Variants in CDKAL1 observed in about 807,000 individuals in gnomAD.
CDKAL1 encodes the protein CDKAL1 threonylcarbamoyladenosine tRNA methylthiotransferase, also known as threonylcarbamoyladenosine tRNA methylthiotransferase.
In CDKAL1, 32 loss-of-function variants were observed where a neutral mutation model predicts 68.2. The ratio of observed to expected loss-of-function variants is 0.47; its 90% CI spans 0.35 to 0.63. The LOEUF (loss-of-function observed/expected upper bound fraction) is 0.63. CDKAL1 is among the 30% of genes least tolerant of loss of function. CDKAL1 has a pLI of 0.00. For synonymous variants in CDKAL1, 234 were observed against 244.3 expected (o/e 0.96, Z 0.39); for missense variants, 606 against 696.7 (o/e 0.87, Z 1.47).
In CDKAL1 at chr6:20,676,683, AAATAAATAAATAAAT is replaced by A. The variant is rs1470132785; in HGVS notation, c.371+27309_371+27323del. 4.8e-3 allele frequency among the ~76,000 whole-genome samples: 692 copies of A among 142,976 alleles called. 5 individuals carry two copies. Among genetic ancestry groups the A allele is most frequent in the African/African-American group, 0.018 (629 of 34,876 alleles). 93.8% of individuals were successfully genotyped at this position (142,976 alleles called of 152,430 possible). A position where few individuals can be genotyped will look rare whatever the true frequency, so the allele number is the denominator to read the frequency against. ...CTCTGTCTTAAATAAATAAATAAATAAATAAATAAATAAATAAATAAAATAAAATAAAATAAAAAA... is the reference window on the plus strand; with the variant it reads ...CTCTGTCTTAAATAAATAAATAAATAAAATAAAATAAAATAAAATAAAAAA... On this transcript the variant is annotated intron_variant, in intron 5 of 15. Transcript: ENST00000274695.
chr6:20,693,819 C>T (rs975639011), intron 5 of CDKAL1, among the ~76,000 whole-genome samples: 2 of 151,684 alleles, frequency 1.3e-5, no homozygotes, highest in African/African-American at 4.8e-5. Flanking sequence ...GTTTAATTAA[C>T]AAGTAACTGA....
At chr6:20,906,227 C>T (rs1283032413) in intron 9 of CDKAL1, among the ~76,000 whole-genome samples, 2 of 151,370 alleles carry the variant, frequency 1.3e-5, no homozygotes, top group African/African-American at 2.4e-5. Flanking sequence ...GAGACTAATG[C>T]ATTTAAGTTT....
chr6:21,035,064 T>C (rs1388347351), intron 11 of CDKAL1, among the ~76,000 whole-genome samples: 2 of 152,188 alleles, frequency 1.3e-5, no homozygotes, highest in Non-Finnish European at 2.9e-5. Flanking sequence ...GGAGACACCA[T>C]ATTAAGAACT....
chr6:20,812,081 T>G (rs917260447), intron 8 of CDKAL1, among the ~76,000 whole-genome samples: 8 of 152,192 alleles, frequency 5.3e-5, no homozygotes, highest in African/African-American at 1.9e-4. Context: ...TTATTGCTTC[T>G]TCATGTTTTA....
At chr6:21,080,949 A>C (rs1284238911) in intron 12 of CDKAL1, among the ~76,000 whole-genome samples, 2 of 152,204 alleles carry the variant, frequency 1.3e-5, no homozygotes, top group Admixed American at 6.5e-5. Flanking sequence ...GGGAACATAT[A>C]ATTGGTATTG....
intron 11 of CDKAL1, among the ~76,000 whole-genome samples, chr6:21,017,290 A>C (rs952316150): frequency 6.6e-6 from 1 of 152,214 alleles, no homozygotes; most frequent in Non-Finnish European, 1.5e-5. Context: ...TGTTGGTGTT[A>C]TAAGCAACTA....
intron 11 of CDKAL1, among the ~76,000 whole-genome samples, chr6:21,023,338 T>G (rs1768783928): frequency 6.6e-6 from 1 of 152,162 alleles, no homozygotes; most frequent in Non-Finnish European, 1.5e-5. Context: ...TGAGGTACTC[T>G]GAAGGTCTGA....
chr6:20,855,864 C>G (rs933390396), intron 9 of CDKAL1, among the ~76,000 whole-genome samples: 1 of 152,080 alleles, frequency 6.6e-6, no homozygotes, highest in African/African-American at 2.4e-5. Context: ...TATGTGGAGA[C>G]CACTGATTTA....
chr6:21,160,124 C>T (rs569451174), intron 13 of CDKAL1, among the ~76,000 whole-genome samples: 1 of 152,178 alleles, frequency 6.6e-6, no homozygotes, highest in East Asian at 1.9e-4. Context: ...GCAAAATAAG[C>T]ATATTCGTGG....
chr6:20,565,078 T>C (rs2127672083), intron 4 of CDKAL1, among the ~76,000 whole-genome samples: 1 of 152,270 alleles, frequency 6.6e-6, no homozygotes, highest in Middle Eastern at 3.4e-3. Context: ...TTACATCCAA[T>C]GTAGTTTATG....
At chr6:20,756,839 T>TTCCTTCCTTCCTTTCTTCCTTC (rs1774198628) in intron 6 of CDKAL1, 1 of 68,800 alleles carries the variant, frequency 1.5e-5, no homozygotes, top group Non-Finnish European at 2.9e-5. Context: ...TTCCTTCCTT[T>TTCCTTCCTTCCTTTCTTCCTTC]CTTCCTTCCT....
chr6:20,548,415 C>T (rs1012074491), intron 3 of CDKAL1, among the ~76,000 whole-genome samples, 178 bp from the exon 4 acceptor site: 1 of 151,804 alleles, frequency 6.6e-6, no homozygotes, highest in African/African-American at 2.4e-5. Context: ...TGACTGTAGT[C>T]CCAGCTACTT....
intron 10 of CDKAL1, among the ~76,000 whole-genome samples, chr6:20,978,670 T>C (rs1217760112): frequency 6.6e-6 from 1 of 152,200 alleles, no homozygotes; most frequent in Non-Finnish European, 1.5e-5. Flanking sequence ...TATTACTGAG[T>C]GATGAAATAC....
intron 8 of CDKAL1, among the ~76,000 whole-genome samples, chr6:20,836,211 G>A (rs1436973037): frequency 3.3e-5 from 5 of 152,164 alleles, no homozygotes; most frequent in Non-Finnish European, 7.3e-5. Context: ...GAAAAGAAAA[G>A]CATCGAAGTA....
At chr6:21,215,633 GAATCTGA>G (rs1960988407) in intron 15 of CDKAL1, among the ~76,000 whole-genome samples, 1 of 152,136 alleles carries the variant, frequency 6.6e-6, no homozygotes, top group Non-Finnish European at 1.5e-5. Context: ...CTGGTAAAAA[GAATCTGA>G]AATCTAAACG....
intron 10 of CDKAL1, among the ~76,000 whole-genome samples, chr6:20,973,002 C>T (rs1386018711): frequency 2.6e-5 from 4 of 151,380 alleles, no homozygotes; most frequent in African/African-American, 9.7e-5. Flanking sequence ...TGCTTGAACC[C>T]GGGAGGCAGA....
At chr6:20,728,796 A>G (rs1772772047) in intron 5 of CDKAL1, among the ~76,000 whole-genome samples, 2 of 152,222 alleles carry the variant, frequency 1.3e-5, no homozygotes, top group Non-Finnish European at 2.9e-5. Flanking sequence ...TATTCTCTAT[A>G]ATAAGAAAGG....
chr6:20,867,482 G>A (rs1759971853), intron 9 of CDKAL1, among the ~76,000 whole-genome samples: 1 of 151,922 alleles, frequency 6.6e-6, no homozygotes, highest in South Asian at 2.1e-4. Flanking sequence ...AGTGTATCGT[G>A]TTCAGTTTAG....
At chr6:20,751,871 G>C (rs1773937016) in intron 6 of CDKAL1, among the ~76,000 whole-genome samples, 3 of 152,108 alleles carry the variant, frequency 2.0e-5, no homozygotes, top group Admixed American at 1.3e-4. Flanking sequence ...ACATGCTAGA[G>C]AATAAGCTCT....
Sources: allele counts gnomAD v4.1 joint callset (sites outside exome capture counted in the v4.1 genomes callset), GRCh38; gene constraint gnomAD v4.1.1; transcripts MANE v1.5; gene names NCBI Gene and HGNC (gene_info 2026-07-23, HGNC 2026-07-21).